The following DNAH1 variants were observed in gnomAD, a reference collection of about 807,000 sequenced individuals.
The protein encoded by DNAH1 is axonemal beta dynein heavy chain 1.
Under a neutral mutation model 484.3 loss-of-function variants are expected in DNAH1, and 327 were observed. The ratio of observed to expected loss-of-function variants is 0.68; its 90% CI spans 0.62 to 0.74. The LOEUF (loss-of-function observed/expected upper bound fraction) is 0.74, where lower values mean the gene tolerates loss of function less well. DNAH1 is among the 30% of genes least tolerant of loss of function. The pLI is 0.00. For synonymous variants in DNAH1, 2,192 were observed against 2,191.9 expected, an observed-to-expected ratio of 1.00 and a Z score of 0.00; for missense variants, 5,052 against 5,546.8, an observed-to-expected ratio of 0.91 and a Z score of 2.83.
rs1426736144 is a variant in DNAH1 at position 52,361,785 on chromosome 3, C to T, written c.4980+19C>T. ...GCAGCGGGTGAGCCCGGGGGACCCA[C>T]CTTACTCCCTCAGATCTGCCATACT... On this transcript the variant is annotated intron_variant, in intron 30 of 77. Transcript: ENST00000420323. This position sits in a 1 kb window ranked among gnomAD's most constrained non-coding sequence, Gnocchi z 5.6. 2 of 1,583,322 alleles carry T rather than the reference C, an allele frequency of 1.3e-6. No homozygotes were observed. The highest frequency in any genetic ancestry group is 3.6e-5 in the Admixed American group (2 of 55,306).
rs1220080843 is a variant in DNAH1, at chr3:52,391,620, G to A, written c.10052+17G>A. On this transcript the variant is annotated intron_variant, in intron 63 of 77. Transcript: ENST00000420323. ...GTCGCCCAGGTGAGCCCCCACTCTT[G>A]GGGACGCCCAAGCATCAGCTCTGCC... is the stretch of plus-strand genomic sequence containing the variant. 1.2e-6 allele frequency: 2 copies of A among 1,613,170 alleles called. No homozygotes were observed. Among genetic ancestry groups the A allele is most frequent in the Admixed American group, 1.7e-5 (1 of 59,994 alleles).
At chr3:52,340,870 T>C (rs1382674055) in intron 8 of DNAH1, among the ~76,000 whole-genome samples, 1 of 152,208 alleles carries the variant, frequency 6.6e-6, no homozygotes, top group Non-Finnish European at 1.5e-5. Flanking sequence ...GATTTTTTTT[T>C]TTTAATTTAC....
At chr3:52,326,955 T>G (rs1701369261) in intron 5 of DNAH1, 64 bp downstream of exon 5, 1 of 1,535,610 alleles carries the variant, frequency 6.5e-7, no homozygotes, top group African/African-American at 1.4e-5. Context: ...CAGTGGACGC[T>G]CAGGAGTCAG....
intron 60 of DNAH1, among the ~76,000 whole-genome samples, chr3:52,390,406 A>G (rs1000519180): frequency 6.6e-6 from 1 of 152,264 alleles, no homozygotes; most frequent in Non-Finnish European, 1.5e-5. Context: ...TGGAGGCTCC[A>G]GTGAGCCAAG....
intron 48 of DNAH1, among the ~76,000 whole-genome samples, chr3:52,380,409 G>A (rs1370171653): frequency 6.6e-6 from 1 of 152,060 alleles, no homozygotes; most frequent in Non-Finnish European, 1.5e-5. Flanking sequence ...GGGGCCGGGG[G>A]CGGGGCCTGG....
rs1701365563 is a variant in DNAH1 at position 52,326,881 on chromosome 3, T to C, written c.728T>C (p.Leu243Pro). Residue 243 changes from leucine (L) to proline (P), a missense_variant, in exon 5 of 78, where the codon CTC becomes CCC. Leu to Pro is a moderately conservative substitution (Grantham distance 98). Coordinates refer to ENST00000420323, the MANE Select transcript of DNAH1 (RefSeq NM_015512.5). The stretch of plus-strand genomic sequence containing the variant: ...CATGACCCAATCTTCCCCATCTACC[T>C]CCCACTGAAGGTGAGCCGGGCTTCC... Reference protein sequence around the residue: ...QGHDPIFPIYLPLKVFDNEDF... With the variant: ...QGHDPIFPIYPPLKVFDNEDF... 1.1e-5 allele frequency: 18 copies of C among 1,611,558 alleles called. No individual in the cohort carries two copies. The highest frequency in any genetic ancestry group is 1.5e-5 in the Non-Finnish European group (18 of 1,178,824).
At chr3:52,332,491 G>A in intron 8 of DNAH1, 97 bp downstream of exon 8, 3 of 1,516,606 alleles carry the variant, frequency 2.0e-6, no homozygotes, top group Non-Finnish European at 1.8e-6. Flanking sequence ...AGCTCCCTCA[G>A]GGCTCATCTG....
chr3:52,353,396 C>T lies in DNAH1; in HGVS notation c.3243C>T (p.Ala1081=), dbSNP rs746057409. ...ACCCGGCAGCCTGCCAGGAAGTGGC[C>T]TTGGACATCCGGGCCCGCATCGAGG... ...FKDMPACQEV[A]LDIRARIEEF... is the part of the protein sequence containing the mutation. The change falls in exon 20 of 78, where the codon GCC becomes GCT. Residue 1081 remains alanine (A), a synonymous_variant. Transcript: ENST00000420323. The surrounding 1 kb of genome is among the most constrained non-coding windows in gnomAD (Gnocchi z 5.0). The T allele has an allele frequency of 1.2e-6, 2 of 1,611,090 alleles. No individual in the cohort carries two copies. The highest frequency in any genetic ancestry group is 8.5e-7 in the Non-Finnish European group (1 of 1,177,738).
Position 52,328,112 on chromosome 3 carries a change from G to A in DNAH1, c.871+98G>A. On this transcript the variant is annotated intron_variant, in intron 6 of 77. Coordinates refer to ENST00000420323, the MANE Select transcript of DNAH1 (RefSeq NM_015512.5). ...CCCTGGGACCTGGCAGCCACCGGAGGCGAGGGGTCTTTCAAGACCTCTCAG... is the reference window on the plus strand; with the variant it reads ...CCCTGGGACCTGGCAGCCACCGGAGACGAGGGGTCTTTCAAGACCTCTCAG... The A allele has an allele frequency of 3.3e-6, 5 of 1,505,626 alleles. No individual in the cohort carries two copies. In the South Asian group the frequency reaches 3.7e-5, roughly 11 times the overall value. The allele number at this position is 1,505,626 out of a possible 1,614,324, so 93.3% of individuals were successfully genotyped here. A position where few individuals can be genotyped will look rare whatever the true frequency, so the allele number is the denominator to read the frequency against.
chr3:52,332,240 G>A lies in DNAH1; in HGVS notation c.1132G>A (p.Ala378Thr), dbSNP rs1407038175. Reference sequence around the variant, plus strand: ...CATGTTCGCACAACGTGTGGTCCAGGCCAACGCCCTGCGCAAGAACACGGA... The same window carrying A: ...CATGTTCGCACAACGTGTGGTCCAGACCAACGCCCTGCGCAAGAACACGGA... ...PCMFAQRVVQ[A>T]NALRKNTEAL... is the part of the protein sequence containing the mutation. Residue 378 changes from alanine (A) to threonine (T), a missense_variant, in exon 8 of 78, where the codon GCC becomes ACC. By Grantham distance (58) the Ala-to-Thr change is moderately conservative (BLOSUM62 0). Coordinates refer to ENST00000420323, the MANE Select transcript of DNAH1 (RefSeq NM_015512.5). 2 of 1,613,888 alleles carry A rather than the reference G, an allele frequency of 1.2e-6. No individual in the cohort carries two copies. The highest frequency in any genetic ancestry group is 1.7e-6 in the Non-Finnish European group (2 of 1,179,794).
chr3:52,319,638 C>T (rs1701071295), intron 1 of DNAH1, among the ~76,000 whole-genome samples: 1 of 152,222 alleles, frequency 6.6e-6, no homozygotes, highest in Non-Finnish European at 1.5e-5. Flanking sequence ...CCATGTTCTT[C>T]TCCCTCCTGC....
chr3:52,359,519 A>G, intron 26 of DNAH1, 133 bp downstream of exon 26: 1 of 1,277,638 alleles, frequency 7.8e-7, no homozygotes, highest in Non-Finnish European at 1.1e-6. Flanking sequence ...GGGAGGTCAG[A>G]CACCCTTGAA....
At chr3:52,373,802 C>G in intron 44 of DNAH1, 1 of 1,422,410 alleles carries the variant, frequency 7.0e-7, no homozygotes, top group Non-Finnish European at 9.9e-7. Context: ...AATATATCAC[C>G]CATAATTGGA....
At chr3:52,331,685 T>C (rs905529488) in intron 7 of DNAH1, among the ~76,000 whole-genome samples, 1 of 145,628 alleles carries the variant, frequency 6.9e-6, no homozygotes, top group Non-Finnish European at 1.5e-5. Flanking sequence ...AGTGCAGTGG[T>C]GCAATCTTGG....
chr3:52,366,984 G>A, intron 36 of DNAH1, 97 bp downstream of exon 36: 2 of 1,414,232 alleles, frequency 1.4e-6, no homozygotes, highest in Non-Finnish European at 1.9e-6. Context: ...CCAGTGGAAG[G>A]CCGGGCTCTG....
chr3:52,345,461 G>A (rs1379652691), intron 9 of DNAH1, 34 bp from the exon 10 acceptor site: 5 of 1,545,180 alleles, frequency 3.2e-6, no homozygotes, highest in Non-Finnish European at 4.4e-6. Context: ...GCCAGGCAGG[G>A]TCTGATACTG....
At chr3:52,390,893 G>A (rs1322687629) in intron 60 of DNAH1, 42 bp from the exon 61 acceptor site, 3 of 1,549,638 alleles carry the variant, frequency 1.9e-6, no homozygotes, top group East Asian at 2.4e-5. Context: ...GACCCTGCTT[G>A]CAGGAAAGCT....
chr3:52,314,499 G>C (rs1441478570), upstream of DNAH1, among the ~76,000 whole-genome samples: 1 of 152,228 alleles, frequency 6.6e-6, no homozygotes, highest in Non-Finnish European at 1.5e-5. Context: ...CTATCTTTGA[G>C]GTGATGGCCC....
chr3:52,398,680 T>G (rs1704752221), intron 75 of DNAH1, among the ~76,000 whole-genome samples, 170 bp from the exon 76 acceptor site: 1 of 152,234 alleles, frequency 6.6e-6, no homozygotes, highest in Admixed American at 6.5e-5. Flanking sequence ...ACTTCACACA[T>G]GTGCTAAGGG....
Sources: allele counts gnomAD v4.1 joint callset (sites outside exome capture counted in the v4.1 genomes callset), GRCh38; gene constraint gnomAD v4.1.1; non-coding constraint Gnocchi (gnomAD v3.1); transcripts MANE v1.5; gene names NCBI Gene and HGNC (gene_info 2026-07-23, HGNC 2026-07-21).